Variants in ATP6V0A4 observed in about 807,000 individuals in gnomAD.
ATP6V0A4 encodes ATPase H+ transporting V0 subunit a4, also known as V-type proton ATPase 116 kDa subunit a 4.
Under a neutral mutation model 107.3 loss-of-function variants are expected in ATP6V0A4, and 86 were observed. The ratio of observed to expected loss-of-function variants is 0.80; its 90% CI spans 0.67 to 0.96. The LOEUF (loss-of-function observed/expected upper bound fraction) is 0.96. Ranked by LOEUF, ATP6V0A4 falls within the 40% of genes least tolerant of loss-of-function variation. The pLI is 0.00. For synonymous variants in ATP6V0A4, 353 were observed against 381.4 expected, an observed-to-expected ratio of 0.93 and a Z score of 0.87; for missense variants, 908 against 1,045.6, an observed-to-expected ratio of 0.87 and a Z score of 1.81.
At chr7:138,756,794 C>A (rs1806536480) in intron 8 of ATP6V0A4, among the ~76,000 whole-genome samples, 1 of 152,142 alleles carries the variant, frequency 6.6e-6, no homozygotes, top group South Asian at 2.1e-4. Flanking sequence ...CACAGCCAGA[C>A]CTTATATTCA....
rs757399634 is a variant in ATP6V0A4 at position 138,728,775 on chromosome 7, G to C, written c.1996C>G (p.His666Asp). The stretch of plus-strand genomic sequence containing the variant: ...ACAGCCCTTACCTGGGATTTCCGAT[G>C]ACTGGCTCTAAGAATAAACGGCTTA... ...LIKPFILRAS[H>D]RKSQLQASRI... The change falls in exon 18 of 22, where the codon CAT (histidine) becomes GAT (aspartate). Residue 666 changes from histidine (H) to aspartate (D), a missense_variant. His to Asp is a moderately conservative substitution (Grantham distance 81, BLOSUM62 -1). Coordinates refer to ENST00000310018, the MANE Select transcript of ATP6V0A4 (RefSeq NM_020632.3). 6.2e-7 allele frequency: 1 copy of C among 1,614,144 alleles called. No homozygotes were observed. The highest frequency in any genetic ancestry group is 8.5e-7 in the Non-Finnish European group (1 of 1,180,032).
intron 1 of ATP6V0A4, among the ~76,000 whole-genome samples, chr7:138,795,383 C>T (rs142037519): frequency 2.0e-3 from 304 of 152,226 alleles, no homozygotes; most frequent in African/African-American, 6.6e-3. Flanking sequence ...TTCCCTGATA[C>T]GACTTGATAG....
chr7:138,751,419 C>G (rs188539661), intron 11 of ATP6V0A4, among the ~76,000 whole-genome samples: 1 of 151,958 alleles, frequency 6.6e-6, no homozygotes, highest in African/African-American at 2.4e-5. Context: ...GTAATGTGTT[C>G]GGCCATCTTG....
At chr7:138,716,526 A>G (rs1036974780) in intron 19 of ATP6V0A4, among the ~76,000 whole-genome samples, 12 of 148,034 alleles carry the variant, frequency 8.1e-5, no homozygotes, top group Non-Finnish European at 1.5e-5. Flanking sequence ...GAAGACAGCC[A>G]TAGCTCATTC....
intron 11 of ATP6V0A4, among the ~76,000 whole-genome samples, chr7:138,752,295 G>A (rs981259097): frequency 1.3e-5 from 2 of 152,012 alleles, no homozygotes; most frequent in East Asian, 1.9e-4. Flanking sequence ...ACTTGAACCC[G>A]GGAGGCAGAG....
At chr7:138,740,346 A>G (rs1054415230) in intron 14 of ATP6V0A4, among the ~76,000 whole-genome samples, 2 of 151,962 alleles carry the variant, frequency 1.3e-5, no homozygotes, top group African/African-American at 4.8e-5. Flanking sequence ...TAACTCTAAA[A>G]ACATGTAGCC....
chr7:138,753,573 G>T (rs1020975173), intron 10 of ATP6V0A4, among the ~76,000 whole-genome samples: 2 of 152,202 alleles, frequency 1.3e-5, no homozygotes, highest in Non-Finnish European at 2.9e-5. Flanking sequence ...ATGAAGGAAT[G>T]AATGGACAAT....
At chr7:138,771,458 G>A in intron 2 of ATP6V0A4, 194 bp from the exon 3 acceptor site, 1 of 228,436 alleles carries the variant, frequency 4.4e-6, no homozygotes, top group African/African-American at 2.5e-5. Flanking sequence ...CTCGAATGCA[G>A]TGGTGCAATT....
At chr7:138,776,270 C>T (rs757916320) in intron 2 of ATP6V0A4, among the ~76,000 whole-genome samples, 4 of 152,316 alleles carry the variant, frequency 2.6e-5, no homozygotes, top group South Asian at 2.1e-4. Context: ...GCTGAGGCAG[C>T]GATTGTGAAC....
chr7:138,711,189 A>C (rs1803721414), intron 20 of ATP6V0A4, among the ~76,000 whole-genome samples: 1 of 151,994 alleles, frequency 6.6e-6, no homozygotes, highest in Non-Finnish European at 1.5e-5. Context: ...TCAAAGGCTG[A>C]CAGTCGGGGA....
intron 1 of ATP6V0A4, among the ~76,000 whole-genome samples, chr7:138,794,460 G>GA (rs1192858530): frequency 3.3e-5 from 5 of 152,112 alleles, no homozygotes; most frequent in Admixed American, 3.3e-4. Flanking sequence ...TTTAGCCCTG[G>GA]AAACTCTCTG....
intron 10 of ATP6V0A4, 143 bp from the exon 11 acceptor site, chr7:138,752,980 A>G (rs1563002633): frequency 4.1e-6 from 6 of 1,478,900 alleles, no homozygotes; most frequent in Non-Finnish European, 4.5e-6. Flanking sequence ...CTGGCCTTGA[A>G]CTCTCCTGAG....
chr7:138,756,401 C>T (rs1335317552), intron 9 of ATP6V0A4, 57 bp downstream of exon 9: 2 of 1,609,774 alleles, frequency 1.2e-6, no homozygotes, highest in Admixed American at 1.7e-5. Context: ...CATTGCACAT[C>T]TCTTTATCTA....
chr7:138,771,273 G>C lies in ATP6V0A4; in HGVS notation c.-17-9C>G. 1 of 1,608,870 alleles carries C rather than the reference G, an allele frequency of 6.2e-7. No homozygotes were observed. The highest frequency in any genetic ancestry group is 2.2e-5 in the East Asian group (1 of 44,808). On this transcript the variant is annotated splice_polypyrimidine_tract_variant and intron_variant, in intron 2 of 21. Coordinates refer to ENST00000310018, the MANE Select transcript of ATP6V0A4 (RefSeq NM_020632.3). ...CTTGGCCCAGCCTCGGTCTACAGGAGAAAAAGAAAAAGATATTAATATTTA... is the reference window on the plus strand; with the variant it reads ...CTTGGCCCAGCCTCGGTCTACAGGACAAAAAGAAAAAGATATTAATATTTA...
At chr7:138,761,554 C>G (rs1806818174) in intron 7 of ATP6V0A4, among the ~76,000 whole-genome samples, 1 of 151,886 alleles carries the variant, frequency 6.6e-6, no homozygotes, top group Non-Finnish European at 1.5e-5. Context: ...TGGCGTGAAC[C>G]TGGGAGGCGG....
At chr7:138,708,804 T>C (rs1401381804) in intron 21 of ATP6V0A4, among the ~76,000 whole-genome samples, 1 of 152,216 alleles carries the variant, frequency 6.6e-6, no homozygotes, top group East Asian at 1.9e-4. Flanking sequence ...CTGGGCGCAG[T>C]GGCTCATGCC....
At chr7:138,718,990 AC>A (rs1397063867) in intron 19 of ATP6V0A4, among the ~76,000 whole-genome samples, 1 of 151,818 alleles carries the variant, frequency 6.6e-6, no homozygotes, top group Non-Finnish European at 1.5e-5. Context: ...TTCAGAACCA[AC>A]CCGAGCAACA....
At chr7:138,742,893 T>A (rs1423502501) in intron 14 of ATP6V0A4, among the ~76,000 whole-genome samples, 2 of 45,544 alleles carry the variant, frequency 4.4e-5, no homozygotes, top group Non-Finnish European at 7.3e-5. Flanking sequence ...GAATACTAAT[T>A]GCAAAGCAAA....
chr7:138,760,847 C>T (rs1297803450), intron 7 of ATP6V0A4, among the ~76,000 whole-genome samples: 1 of 152,186 alleles, frequency 6.6e-6, no homozygotes, highest in Non-Finnish European at 1.5e-5. Flanking sequence ...TAAAATGCCT[C>T]AATTTCACTT....
Sources: gnomAD v4.1 joint callset for allele counts (sites outside exome capture counted in the v4.1 genomes callset) on GRCh38, gnomAD v4.1.1 for gene constraint, MANE v1.5 for transcripts, NCBI Gene and HGNC (gene_info 2026-07-23, HGNC 2026-07-21) for gene names.